CDH17: variants seen among roughly 807,000 people sequenced by gnomAD.
CDH17 encodes cadherin 17.
Under a neutral mutation model 86.3 loss-of-function variants are expected in CDH17, and 67 were observed. The observed-to-expected ratio is 0.78, with a 90% CI of 0.64 to 0.95. The LOEUF (loss-of-function observed/expected upper bound fraction) is 0.95, where lower values mean the gene tolerates loss of function less well. CDH17 is among the 40% of genes least tolerant of loss of function. The pLI is 0.00. For missense variants in CDH17, 993 were observed against 1,017.6 expected (o/e 0.98, Z 0.33); for synonymous variants, 367 against 366.4 (o/e 1.00, Z -0.02).
At chr8:94,158,304 A>C (rs1812983241) in intron 12 of CDH17, among the ~76,000 whole-genome samples, 1 of 152,148 alleles carries the variant, frequency 6.6e-6, no homozygotes, top group African/African-American at 2.4e-5. Context: ...GGCCTACTCT[A>C]CTGTAGCATA....
chr8:94,177,521 A>G, intron 4 of CDH17, 66 bp downstream of exon 4: 1 of 1,546,890 alleles, frequency 6.5e-7, no homozygotes, highest in African/African-American at 1.4e-5. Context: ...GGTGCCAGCC[A>G]TACTTCCAGA....
At chr8:94,207,895 C>T (rs137908079) in intron 1 of CDH17, among the ~76,000 whole-genome samples, 32 of 152,328 alleles carry the variant, frequency 2.1e-4, no homozygotes, top group African/African-American at 6.0e-4. Flanking sequence ...CTGATTAACA[C>T]GCACATCAGC....
intron 10 of CDH17, among the ~76,000 whole-genome samples, chr8:94,164,753 G>A (rs1187780914): frequency 6.6e-6 from 1 of 152,176 alleles, no homozygotes; most frequent in Admixed American, 6.5e-5. Flanking sequence ...AGATTAGTAC[G>A]CATTAACTCA....
intron 3 of CDH17, among the ~76,000 whole-genome samples, chr8:94,181,867 T>C (rs1048753107): frequency 1.3e-5 from 2 of 151,782 alleles, no homozygotes; most frequent in Non-Finnish European, 2.9e-5. Flanking sequence ...TTTGAAAAGA[T>C]CCACAAAAGT....
chr8:94,187,157 A>G (rs532224123), intron 3 of CDH17, among the ~76,000 whole-genome samples: 1 of 152,370 alleles, frequency 6.6e-6, no homozygotes, highest in East Asian at 1.9e-4. Flanking sequence ...GAGATAATGC[A>G]TATGTTAATT....
intron 1 of CDH17, among the ~76,000 whole-genome samples, chr8:94,204,683 ATTATTC>A (rs1193761077): frequency 1.3e-5 from 2 of 152,220 alleles, no homozygotes; most frequent in African/African-American, 4.8e-5. Flanking sequence ...TACTAGCATA[ATTATTC>A]TTATTAAAGA....
intron 15 of CDH17, among the ~76,000 whole-genome samples, chr8:94,142,046 T>A (rs1812648185): frequency 6.6e-6 from 1 of 152,136 alleles, no homozygotes. Context: ...GATTTATGTA[T>A]AGGTGGTCAC....
At chr8:94,154,559 G>T (rs936345089) in intron 12 of CDH17, among the ~76,000 whole-genome samples, 1 of 152,122 alleles carries the variant, frequency 6.6e-6, no homozygotes, top group African/African-American at 2.4e-5. Flanking sequence ...AACCAGGAAT[G>T]AACATCAAGA....
intron 2 of CDH17, among the ~76,000 whole-genome samples, chr8:94,190,477 C>T (rs1038434936): frequency 3.3e-5 from 5 of 152,188 alleles, no homozygotes; most frequent in South Asian, 4.1e-4. Context: ...CATGCAGCCA[C>T]GTTGGGGCAC....
chr8:94,211,020 C>CAA (rs59090058), upstream of CDH17, among the ~76,000 whole-genome samples: 1,662 of 91,844 alleles, frequency 0.018, 16 homozygotes, highest in Non-Finnish European at 0.022. Context: ...GACTGCATCT[C>CAA]AAAAAAAAAA....
chr8:94,178,572 A>T (rs1813418051), intron 3 of CDH17, among the ~76,000 whole-genome samples: 1 of 148,852 alleles, frequency 6.7e-6, no homozygotes, highest in Non-Finnish European at 1.5e-5. Context: ...CTAAATGGTC[A>T]AAAAAAAAGG....
At chr8:94,134,505 C>T (rs1408488892) in intron 15 of CDH17, among the ~76,000 whole-genome samples, 3 of 151,978 alleles carry the variant, frequency 2.0e-5, no homozygotes, top group Non-Finnish European at 4.4e-5. Flanking sequence ...GGTGATATTC[C>T]CTTTATCATT....
At chr8:94,190,985 G>A (rs1169957050) in intron 2 of CDH17, among the ~76,000 whole-genome samples, 1 of 152,146 alleles carries the variant, frequency 6.6e-6, no homozygotes, top group Non-Finnish European at 1.5e-5. Context: ...TGCTGCCCCT[G>A]GGCCACTGCC....
At chr8:94,146,381 T>C (rs1054011478) in intron 14 of CDH17, among the ~76,000 whole-genome samples, 2 of 152,258 alleles carry the variant, frequency 1.3e-5, no homozygotes, top group African/African-American at 2.4e-5. Flanking sequence ...ATATTTTACA[T>C]ATATTACTTC....
intron 11 of CDH17, 139 bp downstream of exon 11, chr8:94,161,947 C>A: frequency 1.8e-6 from 1 of 544,848 alleles, no homozygotes; most frequent in Non-Finnish European, 3.3e-6. Flanking sequence ...AAGATGGCAT[C>A]TGGGTTATTT....
intron 7 of CDH17, among the ~76,000 whole-genome samples, chr8:94,172,336 A>G (rs1414789790): frequency 1.3e-5 from 2 of 151,802 alleles, no homozygotes; most frequent in African/African-American, 2.4e-5. Context: ...TCCCTCCTGA[A>G]GTTGAAGTTC....
At chr8:94,189,344 A>T in intron 2 of CDH17, 59 bp from the exon 3 acceptor site, 1 of 1,224,666 alleles carries the variant, frequency 8.2e-7, no homozygotes, top group Non-Finnish European at 1.2e-6. Context: ...TCACTCATTG[A>T]TTTTATTAGG....
upstream of CDH17, among the ~76,000 whole-genome samples, chr8:94,211,038 A>AG (rs1371931219): frequency 6.7e-6 from 1 of 150,182 alleles, no homozygotes; most frequent in East Asian, 1.9e-4. Flanking sequence ...AAAAAAAAAA[A>AG]GAAAACAAAA....
intron 3 of CDH17, 52 bp downstream of exon 3, chr8:94,189,135 C>A (rs1203019895): frequency 9.6e-6 from 12 of 1,247,152 alleles, no homozygotes. Context: ...AGTAAAAGTC[C>A]ACCAAGAGAG....
Sources: gnomAD v4.1 joint callset for allele counts (sites outside exome capture counted in the v4.1 genomes callset) on GRCh38, gnomAD v4.1.1 for gene constraint, MANE v1.5 for transcripts, NCBI Gene and HGNC (gene_info 2026-07-23, HGNC 2026-07-21) for gene names.